The following PRKCE variants were observed in gnomAD, a reference collection of about 807,000 sequenced individuals.
The protein encoded by PRKCE is protein kinase C epsilon type.
PRKCE carries 16 observed loss-of-function variants against 85.4 expected under a neutral mutation model. The observed-to-expected ratio is 0.19, with a 90% CI of 0.13 to 0.28. The LOEUF is 0.28. Ranked by LOEUF, PRKCE falls within the 10% of genes least tolerant of loss-of-function variation. The probability of loss-of-function intolerance (pLI) is 1.00; values close to 1 mark genes in which losing one functional copy is unlikely to be tolerated. For synonymous variants in PRKCE, 388 were observed against 371.5 expected (o/e 1.04, Z -0.51); for missense variants, 573 against 975.2 (o/e 0.59, Z 5.49).
intron 6 of PRKCE, among the ~76,000 whole-genome samples, chr2:45,987,399 CTGA>C (rs1250726609): frequency 6.6e-6 from 1 of 152,214 alleles, no homozygotes; most frequent in African/African-American, 2.4e-5. Context: ...TTCTGTGGCT[CTGA>C]TGTTATTACT....
At chr2:45,986,473 G>A (rs1311336438) in intron 6 of PRKCE, among the ~76,000 whole-genome samples, 1 of 152,178 alleles carries the variant, frequency 6.6e-6, no homozygotes. Flanking sequence ...TTCCCCAGAT[G>A]GAGGGCAAGC....
intron 2 of PRKCE, among the ~76,000 whole-genome samples, chr2:45,868,905 C>T (rs1234214980): frequency 4.6e-5 from 7 of 150,780 alleles, no homozygotes; most frequent in Non-Finnish European, 4.4e-5. Context: ...TTGCAGTGAG[C>T]CAAGATCGTG....
At chr2:45,776,240 C>T (rs969213515) in intron 1 of PRKCE, among the ~76,000 whole-genome samples, 2 of 152,164 alleles carry the variant, frequency 1.3e-5, no homozygotes, top group Non-Finnish European at 2.9e-5. Flanking sequence ...TGAGAAAAGG[C>T]GACCTGATGA....
At chr2:45,770,222 C>G (rs890831621) in intron 1 of PRKCE, among the ~76,000 whole-genome samples, 1 of 152,206 alleles carries the variant, frequency 6.6e-6, no homozygotes, top group African/African-American at 2.4e-5. Flanking sequence ...GGAGTTGCTG[C>G]TCTGCCCTAG....
intron 6 of PRKCE, among the ~76,000 whole-genome samples, chr2:45,995,284 G>T (rs1489863884): frequency 6.6e-6 from 1 of 151,238 alleles, no homozygotes; most frequent in Non-Finnish European, 1.5e-5. Context: ...TTTGTTTTTT[G>T]TTTGTTTGTT....
chr2:45,814,321 T>C (rs185490888), intron 1 of PRKCE, among the ~76,000 whole-genome samples: 2 of 152,286 alleles, frequency 1.3e-5, no homozygotes, highest in Admixed American at 6.5e-5. Context: ...ACCTGAGTAA[T>C]TGGATGCCCC....
chr2:46,163,907 G>C (rs1442406683), intron 14 of PRKCE, among the ~76,000 whole-genome samples: 2 of 147,638 alleles, frequency 1.4e-5, no homozygotes, highest in Non-Finnish European at 3.0e-5. Flanking sequence ...ACCCCACAGA[G>C]GCCACTGAGA....
intron 1 of PRKCE, among the ~76,000 whole-genome samples, chr2:45,744,488 T>C (rs1248933463): frequency 1.4e-4 from 4 of 29,184 alleles, no homozygotes; most frequent in African/African-American, 3.8e-4. Flanking sequence ...TTTCTTTCTT[T>C]TTCTTTCTTT....
intron 10 of PRKCE, among the ~76,000 whole-genome samples, chr2:46,019,004 CCTT>C (rs1706410738): frequency 6.6e-6 from 1 of 152,210 alleles, no homozygotes; most frequent in Admixed American, 6.5e-5. Flanking sequence ...AGAACTGCCT[CCTT>C]CTATTTTTAT....
intron 1 of PRKCE, among the ~76,000 whole-genome samples, chr2:45,663,134 C>G (rs533348518): frequency 3.5e-4 from 53 of 152,308 alleles, no homozygotes; most frequent in African/African-American, 1.2e-3. Context: ...ATTAAAGACT[C>G]AAGATGGTCT....
chr2:45,950,700 C>T (rs984678091), intron 2 of PRKCE, among the ~76,000 whole-genome samples: 2 of 152,080 alleles, frequency 1.3e-5, no homozygotes, highest in African/African-American at 4.8e-5. Flanking sequence ...GAGGGCAAAG[C>T]GAGAGATGGA....
In PRKCE at chr2:46,187,230, A is replaced by G. The variant is rs762865389; in HGVS notation, c.*2349A>G. The G allele has an allele frequency of 3.3e-5, 5 of 152,664 alleles. No individual in the cohort carries two copies. The highest frequency in any genetic ancestry group is 6.5e-5 in the Admixed American group (1 of 15,288). The allele number at this position is 152,664 out of a possible 1,614,324, so 9.5% of individuals were successfully genotyped here. ...GCCTAGTGTTTGCACGGCAGTGGGAACTGGGCCTTTCCTACAGGACAACTG... is the reference window on the plus strand; with the variant it reads ...GCCTAGTGTTTGCACGGCAGTGGGAGCTGGGCCTTTCCTACAGGACAACTG... On this transcript the variant is annotated 3_prime_UTR_variant, in exon 15 of 15. Coordinates refer to ENST00000306156, the MANE Select transcript of PRKCE (RefSeq NM_005400.3).
At chr2:45,982,369 A>G (rs1202975399) in intron 5 of PRKCE, among the ~76,000 whole-genome samples, 2 of 152,204 alleles carry the variant, frequency 1.3e-5, no homozygotes, top group East Asian at 1.9e-4. Flanking sequence ...CATGCTTTCA[A>G]TGCCCTCCTT....
intron 10 of PRKCE, among the ~76,000 whole-genome samples, chr2:46,059,504 G>A (rs561234574): frequency 6.6e-5 from 10 of 152,284 alleles, no homozygotes; most frequent in African/African-American, 2.4e-4. Context: ...AAGTACTTCA[G>A]TAGTCTCTTT....
intron 10 of PRKCE, among the ~76,000 whole-genome samples, chr2:46,076,683 A>T (rs1390440106): frequency 6.6e-6 from 1 of 152,142 alleles, no homozygotes; most frequent in Non-Finnish European, 1.5e-5. Context: ...ACTGTGATTG[A>T]ATTAAGGCTT....
At chr2:45,989,494 T>C (rs1319516423) in intron 6 of PRKCE, among the ~76,000 whole-genome samples, 2 of 152,166 alleles carry the variant, frequency 1.3e-5, no homozygotes, top group African/African-American at 4.8e-5. Flanking sequence ...TTAGTGCCCT[T>C]GGCTTTTAAC....
At chr2:45,859,064 A>G (rs962108251) in intron 2 of PRKCE, among the ~76,000 whole-genome samples, 1 of 150,852 alleles carries the variant, frequency 6.6e-6, no homozygotes. Flanking sequence ...AAATAAATAA[A>G]TAAATAAATA....
chr2:45,880,217 A>G (rs1244063946), intron 2 of PRKCE, among the ~76,000 whole-genome samples: 2 of 152,208 alleles, frequency 1.3e-5, no homozygotes, highest in Non-Finnish European at 2.9e-5. Context: ...TTATGGCTAA[A>G]GAGTGTTCCG....
chr2:45,751,546 A>G (rs1274265104), intron 1 of PRKCE, among the ~76,000 whole-genome samples: 1 of 152,028 alleles, frequency 6.6e-6, no homozygotes, highest in Non-Finnish European at 1.5e-5. Flanking sequence ...TTGTTTCTCT[A>G]ATCAGGTCAA....
Sources: gnomAD v4.1 joint callset for allele counts (sites outside exome capture counted in the v4.1 genomes callset) on GRCh38, gnomAD v4.1.1 for gene constraint, MANE v1.5 for transcripts, NCBI Gene and HGNC (gene_info 2026-07-23, HGNC 2026-07-21) for gene names.